CHRNA5: variants seen among roughly 807,000 people sequenced by gnomAD.
CHRNA5 encodes cholinergic receptor nicotinic alpha 5 subunit, also known as neuronal acetylcholine receptor subunit alpha-5.
In CHRNA5, 28 loss-of-function variants were observed where a neutral mutation model predicts 41.2. The ratio of observed to expected loss-of-function variants is 0.68; its 90% CI spans 0.50 to 0.93. The LOEUF (loss-of-function observed/expected upper bound fraction) is 0.93, where lower values mean the gene tolerates loss of function less well. Ranked by LOEUF, CHRNA5 falls within the 40% of genes least tolerant of loss-of-function variation. The pLI is 0.00. For synonymous variants in CHRNA5, 188 were observed against 205.8 expected, an observed-to-expected ratio of 0.91 and a Z score of 0.74; for missense variants, 481 against 581.9, an observed-to-expected ratio of 0.83 and a Z score of 1.78.
rs141625008 is a variant in CHRNA5 at position 78,576,993 on chromosome 15, G to A, written c.107-3818G>A. Among the ~76,000 whole-genome samples the A allele has an allele frequency of 8.0e-3, 1,223 of 152,218 alleles. 14 individuals carry two copies. Among genetic ancestry groups the A allele is most frequent in the Admixed American group, 0.039 (589 of 15,284 alleles). On this transcript the variant is annotated intron_variant, in intron 1 of 5. Coordinates refer to ENST00000299565, the Ensembl canonical transcript of CHRNA5. Reference sequence around the variant, plus strand: ...CATATAGTGTCAGTCTTTCCTACTGGATAGTAAATGTCGATGTTGTCTGTT... The same window carrying A: ...CATATAGTGTCAGTCTTTCCTACTGAATAGTAAATGTCGATGTTGTCTGTT...
Position 78,588,406 on chromosome 15 carries a change from C to T in CHRNA5, c.396C>T (p.Asp132=), listed in dbSNP as rs1180691964. ...CTTCAGACTCTGTCTGGACACCAGA[C>T]ATCGTTTTGTTTGATAAGTAAGTTA... is the stretch of plus-strand genomic sequence containing the variant. The change falls in exon 4 of 6, where the codon GAC becomes GAT. Residue 132 remains aspartate, a synonymous_variant. Coordinates refer to ENST00000299565, the Ensembl canonical transcript of CHRNA5. The surrounding 1 kb of genome is among the most constrained non-coding windows in gnomAD (Gnocchi z 4.1). The T allele has an allele frequency of 6.6e-7, 1 of 1,522,794 alleles. No homozygotes were observed. The highest frequency in any genetic ancestry group is 1.3e-5 in the South Asian group (1 of 78,422). 94.3% of individuals were successfully genotyped at this position (1,522,794 alleles called of 1,614,324 possible). A position where few individuals can be genotyped will look rare whatever the true frequency, so the allele number is the denominator to read the frequency against.
intron 2 of CHRNA5, 59 bp downstream of exon 2, chr15:78,581,021 G>A: frequency 6.5e-7 from 1 of 1,528,900 alleles, no homozygotes; most frequent in Non-Finnish European, 8.9e-7. Context: ...AGCCTGGTGT[G>A]TGCCCAGGCA....
exon 2 of CHRNA5, chr15:78,580,873 GACT>G: frequency 6.2e-7 from 1 of 1,613,634 alleles, no homozygotes; most frequent in Non-Finnish European, 8.5e-7. Flanking sequence ...TTTATTTCAA[GACT>G]ACGAAAGATG....
Position 78,593,178 on chromosome 15 carries a change from TG to T in CHRNA5, c.1335del (p.Leu446PhefsTer13). On this transcript the variant is annotated frameshift_variant, in exon 6 of 6. Transcript: ENST00000299565. LOFTEE classifies it high-confidence loss of function. ...TTTTCGTTTCAATTGTTGGATCTCT[TG>T]GGCTTTTTGTTCCTGTTATTTATAA... 6.2e-7 allele frequency: 1 copy of T among 1,613,964 alleles called. No homozygotes were observed. Among genetic ancestry groups the T allele is most frequent in the Non-Finnish European group, 8.5e-7 (1 of 1,179,962 alleles).
chr15:78,592,555 C>T (rs1324491272), intron 5 of CHRNA5, among the ~76,000 whole-genome samples: 2 of 152,120 alleles, frequency 1.3e-5, no homozygotes, highest in Non-Finnish European at 2.9e-5. Context: ...CAGCTCCCTA[C>T]TAAAGCTGGC....
rs113264952 is a variant in CHRNA5, at chr15:78,593,388, T to C, written c.*135T>C. On this transcript the variant is annotated 3_prime_UTR_variant, in exon 6 of 6. Coordinates refer to ENST00000299565, the Ensembl canonical transcript of CHRNA5. ...AGACTAAGTTGCTAACCTCAATTTA[T>C]GTTAACAGATGATCCATTTGAACAG... is the stretch of plus-strand genomic sequence containing the variant. The C allele has an allele frequency of 2.5e-5, 19 of 763,458 alleles. No individual in the cohort carries two copies. The African/African-American group carries it at 3.2e-4, about 13-fold the overall frequency. The allele number at this position is 763,458 out of a possible 1,614,324, so 47.3% of individuals were successfully genotyped here. A position where few individuals can be genotyped will look rare whatever the true frequency, so the allele number is the denominator to read the frequency against.
At position 78,566,058 on chromosome 15, in the gene CHRNA5, C is replaced by T. The variant is rs684513; in HGVS notation, c.106+233C>T. 1.8e-3 allele frequency among the ~76,000 whole-genome samples: 276 copies of T among 152,122 alleles called. 1 individual carries two copies. The highest frequency in any genetic ancestry group is 6.6e-4 in the Non-Finnish European group (45 of 67,992). On this transcript the variant is annotated intron_variant, in intron 1 of 5. Coordinates refer to ENST00000299565, the Ensembl canonical transcript of CHRNA5. ...CTTTGTTGTTCCACGACCTGCATCG[C>T]TGGAGACTACGAGGCTGGCTTAGCG...
At chr15:78,594,061 C>T (rs1414105551) in exon 6 of CHRNA5, 1 of 152,052 alleles carries the variant, frequency 6.6e-6, no homozygotes, top group African/African-American at 2.4e-5. Flanking sequence ...ATAACAACAA[C>T]TTAATGTGCT....
exon 6 of CHRNA5, chr15:78,595,225 C>T (rs1475241975): frequency 7.7e-6 from 7 of 909,654 alleles, no homozygotes; most frequent in Non-Finnish European, 9.2e-6. Flanking sequence ...TCTTATACTA[C>T]CATTACTGTT....
In CHRNA5 at chr15:78,585,375, G is replaced by A. The variant is rs573281855; in HGVS notation, c.259-1270G>A. Reference sequence around the variant, plus strand: ...TCCTTCTGGTCTCTTCCTTTGTCCTGGGTCACTTACCTGTTGTTGGGACGG... The same window carrying A: ...TCCTTCTGGTCTCTTCCTTTGTCCTAGGTCACTTACCTGTTGTTGGGACGG... On this transcript the variant is annotated intron_variant, in intron 2 of 5. Transcript: ENST00000299565. Among the ~76,000 whole-genome samples, 68 of 152,150 alleles carry A rather than the reference G, an allele frequency of 4.5e-4. 1 individual carries two copies. Among genetic ancestry groups the A allele is most frequent in the Non-Finnish European group, 2.8e-4 (19 of 68,008 alleles).
At chr15:78,591,806 C>T (rs1482338591) in intron 5 of CHRNA5, among the ~76,000 whole-genome samples, 2 of 152,166 alleles carry the variant, frequency 1.3e-5, no homozygotes, top group African/African-American at 2.4e-5. Flanking sequence ...ATCATAAAAA[C>T]TTCTAATGCT....
intron 1 of CHRNA5, among the ~76,000 whole-genome samples, chr15:78,579,729 CTG>C (rs2052893256): frequency 6.6e-6 from 1 of 152,124 alleles, no homozygotes; most frequent in African/African-American, 2.4e-5. Context: ...ATTGACCTCA[CTG>C]TTGCTAATCC....
At position 78,588,141 on chromosome 15, in the gene CHRNA5, C is replaced by T. The variant is rs1351677964; in HGVS notation, c.304-173C>T. Among the ~76,000 whole-genome samples, 7 of 152,146 alleles carry T rather than the reference C, an allele frequency of 4.6e-5. No individual in the cohort carries two copies. Among genetic ancestry groups the T allele is most frequent in the African/African-American group, 1.7e-4 (7 of 41,436 alleles). ...ACAGGGACCATGGTGAGAACCACTA[C>T]ACAAGGGGACAGGGTTATCTGGTGC... On this transcript the variant is annotated intron_variant, in intron 3 of 5. Transcript: ENST00000299565. The surrounding 1 kb of genome is among the most constrained non-coding windows in gnomAD (Gnocchi z 4.1).
At position 78,590,093 on chromosome 15, in the gene CHRNA5, T is replaced by A. The variant is rs531823205; in HGVS notation, c.702T>A (p.Cys234Ter). The A allele has an allele frequency of 6.9e-5, 111 of 1,614,250 alleles. 1 individual carries two copies. In the South Asian group the frequency reaches 1.1e-3, roughly 16 times the overall value. Residue 234 changes from cysteine to a stop codon, truncating the protein, a stop_gained, in exon 5 of 6, where the codon TGT becomes TGA. Coordinates refer to ENST00000299565, the Ensembl canonical transcript of CHRNA5. LOFTEE classifies it high-confidence loss of function. ...GCAAAGGAAACAGAACCGACAGCTGTTGCTGGTATCCGTATGTCACTTACT... is the reference window on the plus strand; with the variant it reads ...GCAAAGGAAACAGAACCGACAGCTGATGCTGGTATCCGTATGTCACTTACT...
rs555895292 is a variant in CHRNA5, at chr15:78,580,976, TCCTTCTA to T, written c.258+15_258+21del. ...TTGGTGGATGTGGTAGGTGTGCATA[TCCTTCTA>T]TAGTCAATTTCCCACAGATTTAGTG... On this transcript the variant is annotated intron_variant, in intron 2 of 5. Coordinates refer to ENST00000299565, the Ensembl canonical transcript of CHRNA5. 2.4e-4 allele frequency: 386 copies of T among 1,609,074 alleles called. No individual in the cohort carries two copies. The African/African-American group carries it at 4.5e-3, about 19-fold the overall frequency.
chr15:78,584,581 T>C (rs574735354), intron 2 of CHRNA5, among the ~76,000 whole-genome samples: 1 of 152,340 alleles, frequency 6.6e-6, no homozygotes, highest in Non-Finnish European at 1.5e-5. Context: ...TGTGAACTTA[T>C]GGATTATTCT....
At position 78,565,803 on chromosome 15, in the gene CHRNA5, C is replaced by CGCGGCGG; in HGVS notation, c.91_97dup (p.Ala33GlyfsTer9). 8.2e-7 allele frequency: 1 copy of CGCGGCGG among 1,221,188 alleles called. No homozygotes were observed. Among genetic ancestry groups the CGCGGCGG allele is most frequent in the Non-Finnish European group, 1.0e-6 (1 of 981,668 alleles). 75.6% of individuals were successfully genotyped at this position (1,221,188 alleles called of 1,614,324 possible). A position where few individuals can be genotyped will look rare whatever the true frequency, so the allele number is the denominator to read the frequency against. On this transcript the variant is annotated frameshift_variant, in exon 1 of 6. Transcript: ENST00000299565. LOFTEE classifies it high-confidence loss of function. Reference sequence around the variant, plus strand: ...TCGCGGGGCGCTGCGGTCTAGCGGGCGCGGCGGGCGGCGCGCAGAGAGGTA... The same window carrying CGCGGCGG: ...TCGCGGGGCGCTGCGGTCTAGCGGGCGCGGCGGGCGGCGGGCGGCGCGCAGAGAGGTA...
intron 1 of CHRNA5, among the ~76,000 whole-genome samples, chr15:78,573,669 A>G (rs2052827647): frequency 6.6e-6 from 1 of 152,252 alleles, no homozygotes; most frequent in South Asian, 2.1e-4. Flanking sequence ...AAAGACTGCT[A>G]ATATCCACAT....
chr15:78,579,413 C>T (rs1239414156), intron 1 of CHRNA5, among the ~76,000 whole-genome samples: 1 of 152,034 alleles, frequency 6.6e-6, no homozygotes, highest in African/African-American at 2.4e-5. Context: ...GCCACCATGC[C>T]TGACTAATTT....
Sources: gnomAD v4.1 joint callset for allele counts (sites outside exome capture counted in the v4.1 genomes callset) on GRCh38, gnomAD v4.1.1 for gene constraint, Gnocchi (gnomAD v3.1) non-coding constraint, MANE v1.5 for transcripts, NCBI Gene and HGNC (gene_info 2026-07-23, HGNC 2026-07-21) for gene names.